Variants in WWTR1 observed in about 807,000 individuals in gnomAD.
The protein encoded by WWTR1 is WW domain containing transcription regulator 1.
A neutral mutation model predicts 40.1 loss-of-function variants in WWTR1; 13 were observed. That is an observed-to-expected ratio of 0.32 (90% CI 0.21 to 0.52). WWTR1 has a LOEUF of 0.52. WWTR1 is among the 20% of genes least tolerant of loss of function. WWTR1 has a pLI of 0.97. For missense variants in WWTR1, 436 were observed against 523.1 expected (o/e 0.83, Z 1.63); for synonymous variants, 230 against 210.1 (o/e 1.09, Z -0.82).
At chr3:149,557,061 CTTTTTTTT>C (rs3044118) in intron 3 of WWTR1, among the ~76,000 whole-genome samples, 22 of 64,374 alleles carry the variant, frequency 3.4e-4, no homozygotes, top group East Asian at 1.5e-3. Context: ...CTGGAATCTT[CTTTTTTTT>C]TTTTTTTTTT....
intron 2 of WWTR1, among the ~76,000 whole-genome samples, chr3:149,640,771 C>T (rs566408022): frequency 6.6e-6 from 1 of 152,052 alleles, no homozygotes; most frequent in Admixed American, 6.5e-5. Context: ...TAGAAACTGG[C>T]AGATAATAAA....
chr3:149,591,639 T>C (rs1738728932), intron 2 of WWTR1, among the ~76,000 whole-genome samples: 1 of 152,192 alleles, frequency 6.6e-6, no homozygotes, highest in African/African-American at 2.4e-5. Context: ...TCTAAGAAAT[T>C]ACCTTTTCAT....
intron 2 of WWTR1, among the ~76,000 whole-genome samples, chr3:149,581,872 CA>C (rs576846728): frequency 3.0e-4 from 46 of 152,298 alleles, no homozygotes; most frequent in African/African-American, 9.9e-4. Flanking sequence ...GACTTTTCTG[CA>C]GACTCATTCT....
intron 2 of WWTR1, among the ~76,000 whole-genome samples, chr3:149,590,132 A>T (rs1464152155): frequency 6.6e-6 from 1 of 152,148 alleles, no homozygotes; most frequent in East Asian, 1.9e-4. Context: ...TAAATAATAA[A>T]TGTATGTTGA....
chr3:149,648,006 A>AAAAGTT (rs1712633422), intron 2 of WWTR1, among the ~76,000 whole-genome samples: 1 of 152,190 alleles, frequency 6.6e-6, no homozygotes, highest in Non-Finnish European at 1.5e-5. Context: ...ACACACCCTC[A>AAAAGTT]GCATTTCTGC....
At position 149,542,399 on chromosome 3, in the gene WWTR1, C is replaced by T. The variant is rs1319845181; in HGVS notation, c.707G>A (p.Arg236Gln). The T allele has an allele frequency of 1.9e-6, 3 of 1,614,104 alleles. No individual in the cohort carries two copies. The highest frequency in any genetic ancestry group is 1.1e-5 in the South Asian group (1 of 91,066). ...TTQQQQQQKLRLQRIQMERER... is the reference protein window; with the variant it reads ...TTQQQQQQKLQLQRIQMERER... Reference sequence around the variant, plus strand: ...TCTCTCCATCTGGATTCTCTGAAGCCGCAGTTTCTGCTGCTGCTGCTGCTG... The same window carrying T: ...TCTCTCCATCTGGATTCTCTGAAGCTGCAGTTTCTGCTGCTGCTGCTGCTG... Residue 236 changes from arginine to glutamine, a missense_variant, in exon 4 of 7, where the codon CGG (arginine) becomes CAG (glutamine). Physicochemically the swap from Arg to Gln is conservative, Grantham distance 43. Transcript: ENST00000360632.
chr3:149,594,297 C>T (rs964648189), intron 2 of WWTR1, among the ~76,000 whole-genome samples: 2 of 152,102 alleles, frequency 1.3e-5, no homozygotes, highest in Non-Finnish European at 1.5e-5. Context: ...TTTAGGAGTT[C>T]CCCCTCCCCC....
Position 149,591,578 on chromosome 3 carries a change from T to C in WWTR1, c.432-18578A>G, listed in dbSNP as rs1024430226. Among the ~76,000 whole-genome samples, 15 of 152,172 alleles carry C rather than the reference T, an allele frequency of 9.9e-5. No homozygotes were observed. The East Asian group carries it at 2.5e-3, about 25-fold the overall frequency. On this transcript the variant is annotated intron_variant, in intron 2 of 6. Transcript: ENST00000360632. ...AAAATTCAAGATGTACATTCACTTT[T>C]CCTAAATTTTCTCTAAACAAAAAAA...
intron 2 of WWTR1, among the ~76,000 whole-genome samples, chr3:149,601,156 T>A (rs1198558738): frequency 1.3e-5 from 2 of 152,224 alleles, no homozygotes; most frequent in Non-Finnish European, 2.9e-5. Context: ...AATGTATCAA[T>A]TTCAAGAGGT....
chr3:149,526,939 T>C (rs1364399350), intron 5 of WWTR1, among the ~76,000 whole-genome samples: 1 of 152,238 alleles, frequency 6.6e-6, no homozygotes, highest in East Asian at 1.9e-4. Context: ...TTGTTTTAAT[T>C]ACTTTTTAAA....
At chr3:149,570,569 A>AAATAATAATAATAAT (rs71135699) in intron 3 of WWTR1, among the ~76,000 whole-genome samples, 39 of 146,514 alleles carry the variant, frequency 2.7e-4, no homozygotes, top group African/African-American at 9.2e-4. Flanking sequence ...CTCTTTCTCA[A>AAATAATAATAATAAT]AATAATAATA....
chr3:149,669,179 C>A (rs1048276309), intron 2 of WWTR1, among the ~76,000 whole-genome samples: 1 of 152,160 alleles, frequency 6.6e-6, no homozygotes, highest in Non-Finnish European at 1.5e-5. Context: ...TACACATATA[C>A]AAGAACCCCC....
chr3:149,607,600 C>T (rs911706389), intron 2 of WWTR1, among the ~76,000 whole-genome samples: 7 of 152,214 alleles, frequency 4.6e-5, no homozygotes, highest in Non-Finnish European at 5.9e-5. Flanking sequence ...AGGTGTGAGC[C>T]ACTGCACCCA....
intron 2 of WWTR1, among the ~76,000 whole-genome samples, chr3:149,668,112 T>G (rs1004497575): frequency 2.6e-5 from 4 of 152,176 alleles, no homozygotes. Context: ...AAAATAATAC[T>G]GGTTAATGGC....
intron 2 of WWTR1, among the ~76,000 whole-genome samples, chr3:149,628,830 G>C (rs1005220669): frequency 1.5e-4 from 23 of 151,584 alleles, no homozygotes; most frequent in Admixed American, 1.5e-3. Context: ...ATAGAGTACA[G>C]TGGCATGATA....
At chr3:149,682,364 A>G (rs1378223843) in intron 1 of WWTR1, among the ~76,000 whole-genome samples, 3 of 152,230 alleles carry the variant, frequency 2.0e-5, no homozygotes, top group Admixed American at 1.3e-4. Context: ...AAGTGAATGT[A>G]TTAAATTGAT....
upstream of WWTR1, among the ~76,000 whole-genome samples, chr3:149,706,033 A>G (rs1715320330): frequency 6.6e-6 from 1 of 152,078 alleles, no homozygotes; most frequent in Non-Finnish European, 1.5e-5. Context: ...TCTACAAAAA[A>G]TACAAAAATT....
rs191140207 is a variant in WWTR1, at chr3:149,612,010, C to T, written c.432-39010G>A. ...TTGACAAATGATAAAAACTGGGCAACTCACCTCATGTCCCATATGGCGTCA... is the reference window on the plus strand; with the variant it reads ...TTGACAAATGATAAAAACTGGGCAATTCACCTCATGTCCCATATGGCGTCA... On this transcript the variant is annotated intron_variant, in intron 2 of 6. Coordinates refer to ENST00000360632, the MANE Select transcript of WWTR1 (RefSeq NM_015472.6). Among the ~76,000 whole-genome samples the T allele has an allele frequency of 2.0e-5, 3 of 152,316 alleles. No individual in the cohort carries two copies. In the East Asian group the frequency reaches 5.8e-4, roughly 29 times the overall value.
intron 2 of WWTR1, among the ~76,000 whole-genome samples, chr3:149,652,620 C>CAAAAAAAAAAAAAAAAAAAAAAA (rs758013561): frequency 4.9e-5 from 1 of 20,230 alleles, no homozygotes; most frequent in Non-Finnish European, 1.0e-4. Flanking sequence ...GACCCCATCT[C>CAAAAAAAAAAAAAAAAAAAAAAA]AAAAAAAAAA....
Sources: allele counts gnomAD v4.1 joint callset (sites outside exome capture counted in the v4.1 genomes callset), GRCh38; gene constraint gnomAD v4.1.1; transcripts MANE v1.5; gene names NCBI Gene and HGNC (gene_info 2026-07-23, HGNC 2026-07-21).